CELF2: variants seen among roughly 807,000 people sequenced by gnomAD.
CELF2 encodes CUGBP Elav-like family member 2, also known as CUG triplet repeat RNA-binding protein 2.
In CELF2, 8 loss-of-function variants were observed where a neutral mutation model predicts 62.6. That is an observed-to-expected ratio of 0.13 (90% CI 0.07 to 0.23). CELF2 has a LOEUF of 0.23. Ranked by LOEUF, CELF2 falls within the 10% of genes least tolerant of loss-of-function variation. The pLI, the probability that CELF2 is intolerant of heterozygous loss-of-function variation, is 1.00. For missense variants in CELF2, 333 were observed against 671.0 expected (o/e 0.50, Z 5.56); for synonymous variants, 258 against 250.0 (o/e 1.03, Z -0.30).
the CELF2 span, among the ~76,000 whole-genome samples, chr10:10,522,366 C>T: frequency 6.6e-6 from 1 of 152,190 alleles, no homozygotes; most frequent in Non-Finnish European, 1.5e-5. Flanking sequence ...CAATCTTCGG[C>T]ATGCCGATTG....
chr10:11,172,312 GA>G (rs2133686360), intron 2 of CELF2, among the ~76,000 whole-genome samples: 1 of 152,312 alleles, frequency 6.6e-6, no homozygotes, highest in Admixed American at 6.5e-5. Context: ...AATGCAGTCA[GA>G]ATTTTTAGAT....
the CELF2 span, among the ~76,000 whole-genome samples, chr10:10,779,628 C>T: frequency 1.3e-5 from 2 of 152,084 alleles, no homozygotes; most frequent in Non-Finnish European, 2.9e-5. Context: ...TTCTGCCTCG[C>T]TCTACATCAT....
In CELF2 at chr10:11,018,118, T is replaced by G. The variant is rs1420967146; in HGVS notation, c.29T>G (p.Leu10Arg). The change falls in exon 1 of 13, where the codon CTC (leucine) becomes CGC (arginine). Residue 10 changes from leucine (L) to arginine (R), a missense_variant. Physicochemically the swap from Leu to Arg is moderately radical, Grantham distance 102. Coordinates refer to ENST00000633077, the MANE Select transcript of CELF2 (RefSeq NM_001326342.2). ...ACTTCTGCCTTCAAGCTGGATTTCC[T>G]CCCGGACATGATGGTCGAGGGCCGC... MTSAFKLDF[L>R]PDMMVEGRLL... 23 of 1,514,258 alleles carry G rather than the reference T, an allele frequency of 1.5e-5. No homozygotes were observed. Among genetic ancestry groups the G allele is most frequent in the Admixed American group, 2.0e-5 (1 of 49,024 alleles). The allele number at this position is 1,514,258 out of a possible 1,614,324, so 93.8% of individuals were successfully genotyped here.
chr10:10,905,102 C>A (rs1293034480), intron 1 of CELF2, among the ~76,000 whole-genome samples: 1 of 152,164 alleles, frequency 6.6e-6, no homozygotes, highest in Non-Finnish European at 1.5e-5. Flanking sequence ...GTTTCCACAT[C>A]TGAAGAATGG....
chr10:10,948,044 A>T (rs1222033482), intron 2 of CELF2, among the ~76,000 whole-genome samples: 3 of 152,190 alleles, frequency 2.0e-5, no homozygotes, highest in Non-Finnish European at 4.4e-5. Flanking sequence ...AAATTTAAAC[A>T]TTCCAGAGGG....
Position 11,197,062 on chromosome 10 carries a change from G to GA in CELF2, c.272-20360dup, listed in dbSNP as rs1388825237. Among the ~76,000 whole-genome samples, 137 of 103,078 alleles carry GA rather than the reference G, an allele frequency of 1.3e-3. 4 individuals carry two copies. Among genetic ancestry groups the GA allele is most frequent in the Non-Finnish European group, 2.2e-3 (104 of 48,174 alleles). 67.6% of individuals were successfully genotyped at this position (103,078 alleles called of 152,430 possible). A position where few individuals can be genotyped will look rare whatever the true frequency, so the allele number is the denominator to read the frequency against. ...GAAAGAAAGAAAGAAAGAAAGAAAA[G>GA]AAAGAAAGGAAAGAAAGAAAGAAGA... On this transcript the variant is annotated intron_variant, in intron 2 of 12. Transcript: ENST00000633077.
the CELF2 span, among the ~76,000 whole-genome samples, chr10:10,763,841 A>G: frequency 6.6e-6 from 1 of 152,212 alleles, no homozygotes. Flanking sequence ...GCCATTCATC[A>G]TATCACCTGA....
chr10:11,250,850 C>T (rs1054648124), intron 4 of CELF2, among the ~76,000 whole-genome samples: 1 of 152,200 alleles, frequency 6.6e-6, no homozygotes, highest in Non-Finnish European at 1.5e-5. Flanking sequence ...ATGTTGATTA[C>T]TGTTTGCACC....
At position 11,291,501 on chromosome 10, in the gene CELF2, C is replaced by T. The variant is rs548509020; in HGVS notation, c.976+2949C>T. On this transcript the variant is annotated intron_variant, in intron 9 of 12. Coordinates refer to ENST00000633077, the MANE Select transcript of CELF2 (RefSeq NM_001326342.2). ...TTGCCCATGGTTAAAATAAGTGTTT[C>T]GTGCAATTATCAGATGGTAGTGAAT... 5.9e-5 allele frequency among the ~76,000 whole-genome samples: 9 copies of T among 152,132 alleles called. No individual in the cohort carries two copies. The South Asian group carries it at 6.2e-4, about 11-fold the overall frequency.
chr10:10,982,513 TGG>T (rs2052262930), intron 2 of CELF2, among the ~76,000 whole-genome samples: 1 of 152,176 alleles, frequency 6.6e-6, no homozygotes, highest in Admixed American at 6.5e-5. Flanking sequence ...AAGCAGCACC[TGG>T]GTCCCAGCCC....
the CELF2 span, among the ~76,000 whole-genome samples, chr10:10,610,873 A>G: frequency 2.0e-5 from 3 of 152,238 alleles, no homozygotes; most frequent in Admixed American, 2.0e-4. Context: ...AAAGAAAGAT[A>G]AATCTGATGA....
At chr10:10,887,116 G>A (rs1042711315) in intron 1 of CELF2, among the ~76,000 whole-genome samples, 17 of 151,944 alleles carry the variant, frequency 1.1e-4, no homozygotes, top group Admixed American at 2.6e-4. Flanking sequence ...TTCCTTCCCA[G>A]ATTTGTAGCA....
At chr10:11,215,552 C>T (rs1165836207) in intron 2 of CELF2, among the ~76,000 whole-genome samples, 3 of 151,362 alleles carry the variant, frequency 2.0e-5, no homozygotes, top group African/African-American at 7.3e-5. Flanking sequence ...TAAAACATCT[C>T]ATTCCCAAAA....
chr10:10,831,851 A>G (rs1400288643), intron 1 of CELF2, among the ~76,000 whole-genome samples: 2 of 152,164 alleles, frequency 1.3e-5, no homozygotes, highest in African/African-American at 4.8e-5. Context: ...ATGCTCTTGT[A>G]ATCCCAGCTA....
chr10:11,098,663 T>C lies in CELF2; in HGVS notation c.75-66823T>C, dbSNP rs1564731058. 6.6e-6 allele frequency among the ~76,000 whole-genome samples: 1 copy of C among 152,234 alleles called. No homozygotes were observed. Among genetic ancestry groups the C allele is most frequent in the East Asian group, 1.9e-4 (1 of 5,200 alleles). On this transcript the variant is annotated intron_variant, in intron 1 of 12. Transcript: ENST00000633077. The surrounding 1 kb of genome is among the most constrained non-coding windows in gnomAD (Gnocchi z 4.0). ...ATGCATGATAAGTATAAATGTGTCA[T>C]GAGCACACTGTTTTCTCTGTAGAAA...
chr10:10,484,773 C>G, the CELF2 span, among the ~76,000 whole-genome samples: 1 of 151,914 alleles, frequency 6.6e-6, no homozygotes, highest in Non-Finnish European at 1.5e-5. Context: ...TTAAACATAC[C>G]AAATAAAATA....
intron 1 of CELF2, among the ~76,000 whole-genome samples, chr10:11,154,875 A>G (rs1311276696): frequency 6.6e-6 from 1 of 152,214 alleles, no homozygotes; most frequent in African/African-American, 2.4e-5. Context: ...CCCGGACAAG[A>G]TGACAAAAAC....
chr10:10,731,734 C>T, the CELF2 span, among the ~76,000 whole-genome samples: 5 of 152,152 alleles, frequency 3.3e-5, no homozygotes, highest in African/African-American at 1.2e-4. Context: ...TCCATACAAC[C>T]TTCAACACCG....
intron 1 of CELF2, among the ~76,000 whole-genome samples, chr10:10,838,074 T>C (rs1206347571): frequency 6.6e-6 from 1 of 152,242 alleles, no homozygotes; most frequent in South Asian, 2.1e-4. Flanking sequence ...ACATTTAGTG[T>C]CACGTTTCCT....
Sources: gnomAD v4.1 joint callset for allele counts (sites outside exome capture counted in the v4.1 genomes callset) on GRCh38, gnomAD v4.1.1 for gene constraint, Gnocchi (gnomAD v3.1) non-coding constraint, MANE v1.5 for transcripts, NCBI Gene and HGNC (gene_info 2026-07-23, HGNC 2026-07-21) for gene names.